Variants in RIMKLB observed in about 807,000 individuals in gnomAD.
The protein encoded by RIMKLB is beta-citrylglutamate synthase B.
In RIMKLB, 7 loss-of-function variants were observed where a neutral mutation model predicts 32.0. The observed-to-expected ratio is 0.22, with a 90% CI of 0.12 to 0.41. The LOEUF (loss-of-function observed/expected upper bound fraction) is 0.41. Ranked by LOEUF, RIMKLB falls within the 10% of genes least tolerant of loss-of-function variation. RIMKLB has a pLI of 1.00. For missense variants in RIMKLB, 289 were observed against 498.7 expected (o/e 0.58, Z 4.00); for synonymous variants, 172 against 185.1 (o/e 0.93, Z 0.57).
chr12:8,763,100 A>G (rs1949668881), intron 5 of RIMKLB, among the ~76,000 whole-genome samples: 1 of 152,218 alleles, frequency 6.6e-6, no homozygotes, highest in African/African-American at 2.4e-5. Context: ...ATGTCCACAC[A>G]GTAAGATCTC....
At chr12:8,686,492 G>T (rs747720354) in intron 1 of RIMKLB, among the ~76,000 whole-genome samples, 15 of 139,680 alleles carry the variant, frequency 1.1e-4, no homozygotes, top group East Asian at 2.1e-4. Flanking sequence ...GTTTTCTTTC[G>T]TTTTTGAGAC....
chr12:8,739,261 C>T (rs1322642684), intron 2 of RIMKLB, among the ~76,000 whole-genome samples: 1 of 152,094 alleles, frequency 6.6e-6, no homozygotes, highest in Non-Finnish European at 1.5e-5. Context: ...TGCAGATGGC[C>T]GTCTTGCTGT....
chr12:8,751,524 A>G (rs1948620389), intron 3 of RIMKLB, among the ~76,000 whole-genome samples: 1 of 152,174 alleles, frequency 6.6e-6, no homozygotes, highest in African/African-American at 2.4e-5. Flanking sequence ...GTTTGTTGAT[A>G]ATAAAAAGAG....
intron 2 of RIMKLB, among the ~76,000 whole-genome samples, chr12:8,732,295 T>C (rs1023275223): frequency 2.6e-5 from 4 of 152,154 alleles, no homozygotes; most frequent in South Asian, 2.1e-4. Context: ...ATCAAGACTT[T>C]AGTTGCTTAT....
At chr12:8,760,066 G>C (rs1367512765) in intron 5 of RIMKLB, among the ~76,000 whole-genome samples, 1 of 152,120 alleles carries the variant, frequency 6.6e-6, no homozygotes, top group Non-Finnish European at 1.5e-5. Flanking sequence ...ATTTACATTA[G>C]GTATATCTCC....
At chr12:8,723,411 A>G (rs373674817) in intron 2 of RIMKLB, among the ~76,000 whole-genome samples, 2 of 152,244 alleles carry the variant, frequency 1.3e-5, no homozygotes, top group Non-Finnish European at 2.9e-5. Flanking sequence ...AAAGATCACT[A>G]TAACAGATAT....
upstream of RIMKLB, among the ~76,000 whole-genome samples, chr12:8,695,672 G>C (rs1284475914): frequency 6.6e-6 from 1 of 150,514 alleles, no homozygotes; most frequent in African/African-American, 2.4e-5. Flanking sequence ...ATGGCACATA[G>C]AAGCAATAAA....
In RIMKLB at chr12:8,751,945, T is replaced by C. The variant is rs771175277; in HGVS notation, c.407-12T>C. ...TGCTGTTTGTCTTAAATTTTTGTAT[T>C]GCTCAAACCAGGTGGCCACGAAAAT... is the stretch of plus-strand genomic sequence containing the variant. On this transcript the variant is annotated splice_polypyrimidine_tract_variant and intron_variant, in intron 3 of 5. Transcript: ENST00000535829. The C allele has an allele frequency of 6.3e-7, 1 of 1,582,908 alleles. No homozygotes were observed.
rs1158946956 is a variant in RIMKLB, at chr12:8,702,014, A to G, written c.-57+3717A>G. Reference sequence around the variant, plus strand: ...GAGCAAGACTCCATCTCAATAAAAAAAAAAAAAATAGATCTTATGGGGACA... The same window carrying G: ...GAGCAAGACTCCATCTCAATAAAAAGAAAAAAAATAGATCTTATGGGGACA... On this transcript the variant is annotated intron_variant, in intron 1 of 5. Coordinates refer to ENST00000535829, the MANE Select transcript of RIMKLB (RefSeq NM_001297776.2). Among the ~76,000 whole-genome samples, 3 of 152,102 alleles carry G rather than the reference A, an allele frequency of 2.0e-5. No homozygotes were observed. In the East Asian group the frequency reaches 5.8e-4, roughly 29 times the overall value.
upstream of RIMKLB, among the ~76,000 whole-genome samples, chr12:8,676,923 G>A (rs776819871): frequency 2.0e-5 from 3 of 152,020 alleles, no homozygotes; most frequent in South Asian, 4.2e-4. Flanking sequence ...CCATCTAGGG[G>A]CCACCTTCCA....
At chr12:8,703,192 A>G (rs1220366572) in intron 1 of RIMKLB, among the ~76,000 whole-genome samples, 1 of 152,168 alleles carries the variant, frequency 6.6e-6, no homozygotes, top group Non-Finnish European at 1.5e-5. Flanking sequence ...AGGCTGAGGC[A>G]GGAGAATTGC....
At chr12:8,740,811 G>T (rs1231229546) in intron 2 of RIMKLB, among the ~76,000 whole-genome samples, 2 of 152,164 alleles carry the variant, frequency 1.3e-5, no homozygotes, top group African/African-American at 2.4e-5. Context: ...GTTAGCTCAT[G>T]CCCATAATCC....
At chr12:8,714,384 ATAAAAG>A (rs1213921736) in intron 2 of RIMKLB, among the ~76,000 whole-genome samples, 7 of 152,212 alleles carry the variant, frequency 4.6e-5, no homozygotes, top group South Asian at 2.1e-4. Context: ...TTTCTTAAAA[ATAAAAG>A]TAAAGATGAT....
At chr12:8,763,128 A>G (rs112625024) in intron 5 of RIMKLB, among the ~76,000 whole-genome samples, 4,844 of 152,280 alleles carry the variant, frequency 0.032, 258 homozygotes, top group African/African-American at 0.11. Context: ...TATTATTTTA[A>G]CTGCTTCAGA....
intron 5 of RIMKLB, among the ~76,000 whole-genome samples, chr12:8,759,479 T>TA (rs1949340717): frequency 2.0e-5 from 3 of 152,240 alleles, no homozygotes; most frequent in Admixed American, 1.3e-4. Flanking sequence ...AGATGAGAAT[T>TA]AATTGCTATC....
At chr12:8,766,516 G>A (rs142622724) in intron 5 of RIMKLB, among the ~76,000 whole-genome samples, 3,623 of 152,268 alleles carry the variant, frequency 0.024, 134 homozygotes, top group African/African-American at 0.082. Context: ...AGTCGGGATT[G>A]AGATAGAGTC....
chr12:8,711,156 C>T (rs1944342548), intron 1 of RIMKLB, among the ~76,000 whole-genome samples: 1 of 151,944 alleles, frequency 6.6e-6, no homozygotes, highest in Admixed American at 6.6e-5. Context: ...ATTGCTTGAA[C>T]CCAGGAGACA....
chr12:8,705,305 C>T (rs1420145228), intron 1 of RIMKLB, among the ~76,000 whole-genome samples: 1 of 151,840 alleles, frequency 6.6e-6, no homozygotes, highest in Non-Finnish European at 1.5e-5. Context: ...GGCGAAACTC[C>T]ATCTCTACTA....
intron 1 of RIMKLB, among the ~76,000 whole-genome samples, chr12:8,683,433 G>GTTC (rs1942472640): frequency 6.6e-6 from 1 of 152,152 alleles, no homozygotes; most frequent in Non-Finnish European, 1.5e-5. Context: ...TGGTGTCCGT[G>GTTC]TTCTGAATTT....
Sources: allele counts gnomAD v4.1 joint callset (sites outside exome capture counted in the v4.1 genomes callset), GRCh38; gene constraint gnomAD v4.1.1; transcripts MANE v1.5; gene names NCBI Gene and HGNC (gene_info 2026-07-23, HGNC 2026-07-21).